BBS7: variants seen among roughly 807,000 people sequenced by gnomAD.
BBS7 encodes Bardet-Biedl syndrome 7, also known as BBSome complex member BBS7.
BBS7 carries 50 observed loss-of-function variants against 90.3 expected under a neutral mutation model. That is an observed-to-expected ratio of 0.55 (90% CI 0.44 to 0.70). The LOEUF (loss-of-function observed/expected upper bound fraction) is 0.70, where lower values mean the gene tolerates loss of function less well. Among genes scored for constraint, BBS7 ranks in the 30% least tolerant of loss-of-function variants. The pLI is 0.00. For missense variants in BBS7, 729 were observed against 838.9 expected (o/e 0.87, Z 1.62); for synonymous variants, 235 against 287.4 (o/e 0.82, Z 1.85).
At position 121,845,610 on chromosome 4, in the gene BBS7, G is replaced by A. The variant is rs749603454; in HGVS notation, c.1124C>T (p.Ala375Val). The A allele has an allele frequency of 3.7e-6, 6 of 1,612,444 alleles. No individual in the cohort carries two copies. Among genetic ancestry groups the A allele is most frequent in the Non-Finnish European group, 5.1e-6 (6 of 1,178,864 alleles). The change falls in exon 11 of 19, where the codon GCA becomes GTA. Residue 375 changes from alanine to valine, a missense_variant. Transcript: ENST00000264499. ...QSSQSSKAKS[A>V]VPSFGINDKF... ...ATCATTTATACCAAAGGAAGGTACT[G>A]CTGATTTTGCTTTGCTTGATTGAGA...
intron 2 of BBS7, among the ~76,000 whole-genome samples, chr4:121,866,536 A>G (rs937511929): frequency 6.6e-6 from 1 of 152,198 alleles, no homozygotes; most frequent in Non-Finnish European, 1.5e-5. Flanking sequence ...AACTGCAGGG[A>G]TTACAAGTGT....
chr4:121,845,806 G>C (rs985421670), intron 10 of BBS7, 110 bp from the exon 11 acceptor site: 1 of 1,019,760 alleles, frequency 9.8e-7, no homozygotes, highest in African/African-American at 1.6e-5. Context: ...GTTTTTATTG[G>C]TTGAGTTAAT....
intron 11 of BBS7, among the ~76,000 whole-genome samples, chr4:121,845,278 G>C (rs1373845064): frequency 1.3e-5 from 2 of 152,054 alleles, no homozygotes; most frequent in Non-Finnish European, 2.9e-5. Context: ...TGAGGCAGGA[G>C]AATCACTTGA....
chr4:121,854,944 G>A, intron 6 of BBS7, 124 bp from the exon 7 acceptor site: 1 of 884,262 alleles, frequency 1.1e-6, no homozygotes, highest in South Asian at 1.6e-5. Flanking sequence ...AAACTTAATT[G>A]TTGAGAATGG....
At chr4:121,840,101 C>A (rs566524860) in intron 12 of BBS7, among the ~76,000 whole-genome samples, 2 of 152,280 alleles carry the variant, frequency 1.3e-5, no homozygotes, top group Admixed American at 1.3e-4. Flanking sequence ...AATTGTACTG[C>A]CATAATTCCC....
intron 10 of BBS7, among the ~76,000 whole-genome samples, chr4:121,846,020 G>A (rs1271326980): frequency 6.6e-6 from 1 of 152,126 alleles, no homozygotes; most frequent in African/African-American, 2.4e-5. Context: ...AATCAGAAGA[G>A]AAACTTCTTA....
At chr4:121,853,992 AT>A (rs1392950458) in intron 7 of BBS7, among the ~76,000 whole-genome samples, 1 of 151,980 alleles carries the variant, frequency 6.6e-6, no homozygotes, top group African/African-American at 2.4e-5. Flanking sequence ...TTCCTGAAAC[AT>A]TTTTTTCCCC....
intron 7 of BBS7, among the ~76,000 whole-genome samples, chr4:121,853,594 T>C (rs1380431719): frequency 2.0e-5 from 3 of 151,978 alleles, no homozygotes; most frequent in Admixed American, 6.6e-5. Flanking sequence ...ATACTGAAAT[T>C]GTCTATGTTT....
At chr4:121,841,696 A>G (rs1025452708) in intron 12 of BBS7, among the ~76,000 whole-genome samples, 1 of 152,194 alleles carries the variant, frequency 6.6e-6, no homozygotes, top group African/African-American at 2.4e-5. Context: ...TGTCCTAGAA[A>G]ATATATTTTA....
rs1420102057 is a variant in BBS7, at chr4:121,861,693, T to C, written c.166-14A>G. On this transcript the variant is annotated splice_polypyrimidine_tract_variant and intron_variant, in intron 3 of 18. Transcript: ENST00000264499. ...CTTGAACACTGCCTGAAAAAAATCATTCAGGAAAAAAGTACACAAATTACT... is the reference window on the plus strand; with the variant it reads ...CTTGAACACTGCCTGAAAAAAATCACTCAGGAAAAAAGTACACAAATTACT... 6.2e-7 allele frequency: 1 copy of C among 1,613,362 alleles called. No homozygotes were observed. Among genetic ancestry groups the C allele is most frequent in the Admixed American group, 1.7e-5 (1 of 59,952 alleles).
At chr4:121,827,924 T>C (rs955911770) in intron 18 of BBS7, 1 of 1,327,364 alleles carries the variant, frequency 7.5e-7, no homozygotes, top group Non-Finnish European at 9.7e-7. Context: ...TTTCTTAATA[T>C]ACTTGCATTT....
rs371449601 is a variant in BBS7 at position 121,825,871 on chromosome 4, C to T, written c.2137G>A (p.Asp713Asn). The change falls in exon 19 of 19, where the codon GAT becomes AAT. Residue 713 changes from aspartate (D) to asparagine (N), a missense_variant. Coordinates refer to ENST00000264499, the MANE Select transcript of BBS7 (RefSeq NM_176824.3). ...YDQNALISFF[D>N]AA ...ACCTTATTTGTATGTCATGCTGCAT[C>T]GAAGAATGAAATCAATGCATTTTGG... 2.5e-6 allele frequency: 4 copies of T among 1,612,990 alleles called. No homozygotes were observed. Among genetic ancestry groups the T allele is most frequent in the Non-Finnish European group, 3.4e-6 (4 of 1,179,552 alleles).
chr4:121,839,690 C>A lies in BBS7; in HGVS notation c.1312G>T (p.Asp438Tyr), dbSNP rs758958242. The A allele has an allele frequency of 6.2e-7, 1 of 1,613,318 alleles. No individual in the cohort carries two copies. The highest frequency in any genetic ancestry group is 1.7e-5 in the Admixed American group (1 of 59,980). The change falls in exon 13 of 19, where the codon GAC (aspartate) becomes TAC (tyrosine). Residue 438 changes from aspartate (D) to tyrosine (Y), a missense_variant. Asp to Tyr is a radical substitution (Grantham distance 160). Transcript: ENST00000264499. ...SFSSCDSESNDNFLLATYRCQ... is the reference protein window; with the variant it reads ...SFSSCDSESNYNFLLATYRCQ... ...CGATAAGTGGCAAGAAGGAAGTTGTCGTTTGACTGGGAAGAATACAAAGTG... is the reference window on the plus strand; with the variant it reads ...CGATAAGTGGCAAGAAGGAAGTTGTAGTTTGACTGGGAAGAATACAAAGTG...
At chr4:121,870,059 T>C (rs1231183076) in intron 1 of BBS7, among the ~76,000 whole-genome samples, 2 of 152,174 alleles carry the variant, frequency 1.3e-5, no homozygotes, top group Non-Finnish European at 2.9e-5. Context: ...CAGAAGCCAG[T>C]ACCGTGGGGG....
intron 2 of BBS7, among the ~76,000 whole-genome samples, chr4:121,866,970 C>G (rs967592684): frequency 1.3e-5 from 2 of 151,996 alleles, no homozygotes; most frequent in Admixed American, 6.6e-5. Context: ...TGAAAAATGA[C>G]ATTGGTATTT....
At chr4:121,850,989 G>T (rs913355640) in intron 8 of BBS7, among the ~76,000 whole-genome samples, 5 of 152,194 alleles carry the variant, frequency 3.3e-5, no homozygotes, top group African/African-American at 1.2e-4. Flanking sequence ...TCCAGTTGTT[G>T]TGTATAATAA....
chr4:121,829,814 C>T (rs1277835232), intron 15 of BBS7, among the ~76,000 whole-genome samples: 1 of 152,178 alleles, frequency 6.6e-6, no homozygotes, highest in East Asian at 1.9e-4. Context: ...GTGGCCATAA[C>T]ACTGCATGGT....
rs1724875192 is a variant in BBS7, at chr4:121,825,746, TTA to T, written c.*112_*113del. The T allele has an allele frequency of 1.9e-6, 2 of 1,039,538 alleles. No individual in the cohort carries two copies. Among genetic ancestry groups the T allele is most frequent in the Non-Finnish European group, 2.7e-6 (2 of 738,114 alleles). The allele number at this position is 1,039,538 out of a possible 1,614,324, so 64.4% of individuals were successfully genotyped here. A position where few individuals can be genotyped will look rare whatever the true frequency, so the allele number is the denominator to read the frequency against. ...AAAAGCCATTATATCTCAAATATTT[TTA>T]GATATAAAAAAGCATTTGAAATTAA... is the stretch of plus-strand genomic sequence containing the variant. On this transcript the variant is annotated 3_prime_UTR_variant, in exon 19 of 19. Coordinates refer to ENST00000264499, the MANE Select transcript of BBS7 (RefSeq NM_176824.3).
Position 121,847,487 on chromosome 4 carries a change from T to G in BBS7, c.954A>C (p.Thr318=). ...CACTTTCCTTATGAATGGGCTCTGT[T>G]GTCAGACCTGTAACCCAGCCTGTAG... The part of the protein sequence containing the change: ...STYSGWVTGL[T]TEPIHKESGP... The change falls in exon 10 of 19, where the codon ACA becomes ACC. Residue 318 remains threonine, a synonymous_variant. Coordinates refer to ENST00000264499, the MANE Select transcript of BBS7 (RefSeq NM_176824.3). The G allele has an allele frequency of 6.2e-7, 1 of 1,613,148 alleles. No homozygotes were observed. The highest frequency in any genetic ancestry group is 8.5e-7 in the Non-Finnish European group (1 of 1,179,220).
Sources: gnomAD v4.1 joint callset for allele counts (sites outside exome capture counted in the v4.1 genomes callset) on GRCh38, gnomAD v4.1.1 for gene constraint, MANE v1.5 for transcripts, NCBI Gene and HGNC (gene_info 2026-07-23, HGNC 2026-07-21) for gene names.